The following PLEKHA6 variants were observed in gnomAD, a reference collection of about 807,000 sequenced individuals.
PLEKHA6 encodes pleckstrin homology domain containing A6, also known as pleckstrin homology domain-containing family A member 6.
A neutral mutation model predicts 116.7 loss-of-function variants in PLEKHA6; 60 were observed. That is an observed-to-expected ratio of 0.51 (90% CI 0.42 to 0.64). PLEKHA6 has a LOEUF of 0.64. Ranked by LOEUF, PLEKHA6 falls within the 30% of genes least tolerant of loss-of-function variation. PLEKHA6 has a pLI of 0.00. For synonymous variants in PLEKHA6, 489 were observed against 556.1 expected (o/e 0.88, Z 1.70); for missense variants, 1,338 against 1,422.7 (o/e 0.94, Z 0.96).
intron 1 of PLEKHA6, chr1:204,301,036 G>A (rs758391249): frequency 9.7e-5 from 15 of 155,140 alleles, no homozygotes; most frequent in Non-Finnish European, 2.8e-5. Context: ...CTCATGTGAC[G>A]CTCTCAGTCT....
intron 1 of PLEKHA6, among the ~76,000 whole-genome samples, chr1:204,307,566 T>G (rs1264746025): frequency 2.0e-5 from 3 of 152,078 alleles, no homozygotes; most frequent in African/African-American, 7.2e-5. Flanking sequence ...CTAAGGAACA[T>G]CTCCCAATAA....
chr1:204,361,338 G>A (rs1014426299), upstream of PLEKHA6, among the ~76,000 whole-genome samples: 10 of 152,264 alleles, frequency 6.6e-5, no homozygotes, highest in South Asian at 1.4e-3. Context: ...AATGTGCAAC[G>A]GAAGGAACAG....
At chr1:204,313,838 G>C (rs139778494) in intron 1 of PLEKHA6, 2 of 288,314 alleles carry the variant, frequency 6.9e-6, no homozygotes, top group African/African-American at 4.6e-5. Flanking sequence ...GCATCTCCCC[G>C]GGGATCCTCT....
intron 1 of PLEKHA6, among the ~76,000 whole-genome samples, chr1:204,299,276 C>T (rs781277770): frequency 6.6e-6 from 1 of 152,208 alleles, no homozygotes; most frequent in Non-Finnish European, 1.5e-5. Context: ...AGGGAAAGCA[C>T]TGGGAATTTT....
chr1:204,348,953 T>G (rs1471257547), intron 1 of PLEKHA6, among the ~76,000 whole-genome samples: 1 of 152,202 alleles, frequency 6.6e-6, no homozygotes, highest in African/African-American at 2.4e-5. Context: ...GTCCAGTTGC[T>G]TGGCAACCAG....
intron 1 of PLEKHA6, among the ~76,000 whole-genome samples, chr1:204,294,370 C>T (rs1670061808): frequency 2.0e-5 from 3 of 152,226 alleles, no homozygotes; most frequent in Admixed American, 2.0e-4. Flanking sequence ...CTATCCAAGT[C>T]ATGATGCTAG....
In PLEKHA6 at chr1:204,229,109, G is replaced by A; in HGVS notation, c.2584-5C>T. On this transcript the variant is annotated splice_region_variant and splice_polypyrimidine_tract_variant and intron_variant, in intron 18 of 22. Coordinates refer to ENST00000272203, the MANE Select transcript of PLEKHA6 (RefSeq NM_014935.5). The stretch of plus-strand genomic sequence containing the variant: ...GATGCTGCGGTGGCGGCGCACCTAG[G>A]GGACAGCAGCATCGTGATTGCACCA... 6.2e-7 allele frequency: 1 copy of A among 1,610,684 alleles called. No individual in the cohort carries two copies. Among genetic ancestry groups the A allele is most frequent in the African/African-American group, 1.3e-5 (1 of 74,976 alleles).
chr1:204,251,616 A>G, intron 9 of PLEKHA6: 1 of 702,762 alleles, frequency 1.4e-6, no homozygotes, highest in Non-Finnish European at 2.6e-6. Context: ...ACTCATCTGC[A>G]GCAGAGGAAG....
chr1:204,370,641 G>A (rs1321362430), intron 2 of PLEKHA6, among the ~76,000 whole-genome samples: 1 of 152,208 alleles, frequency 6.6e-6, no homozygotes. Context: ...GGCTACCAGT[G>A]ATGTTTTCTC....
At chr1:204,227,991 A>G (rs1476077728) in intron 21 of PLEKHA6, 92 bp downstream of exon 21, 3 of 1,304,128 alleles carry the variant, frequency 2.3e-6, no homozygotes, top group Non-Finnish European at 3.2e-6. Flanking sequence ...TCTCTTTGCT[A>G]CTGCCCCCCT....
chr1:204,236,629 G>A (rs993206086), intron 17 of PLEKHA6, among the ~76,000 whole-genome samples: 1 of 152,192 alleles, frequency 6.6e-6, no homozygotes, highest in East Asian at 1.9e-4. Flanking sequence ...GGCAAGGTGG[G>A]TGTAGCTACT....
intron 6 of PLEKHA6, among the ~76,000 whole-genome samples, chr1:204,263,799 C>T (rs772294646): frequency 5.9e-5 from 9 of 151,914 alleles, no homozygotes; most frequent in Non-Finnish European, 1.2e-4. Flanking sequence ...GGTTAAACAG[C>T]CTGTTCCTAT....
At chr1:204,369,305 C>T (rs1673727430) in intron 2 of PLEKHA6, 1 of 152,208 alleles carries the variant, frequency 6.6e-6, no homozygotes, top group South Asian at 2.1e-4. Context: ...CATCAACTGG[C>T]TCAAGGTCAC....
At chr1:204,346,754 C>CAT in intron 1 of PLEKHA6, 2 of 769,570 alleles carry the variant, frequency 2.6e-6, no homozygotes, top group Non-Finnish European at 2.3e-6. Context: ...CTCCCATTTG[C>CAT]TTTTTTTTTT....
chr1:204,370,890 C>T (rs555002054), intron 2 of PLEKHA6, among the ~76,000 whole-genome samples: 1 of 152,126 alleles, frequency 6.6e-6, no homozygotes, highest in African/African-American at 2.4e-5. Context: ...CCCATCTCTA[C>T]TAACAATACA....
chr1:204,275,764 G>A, intron 1 of PLEKHA6: 1 of 967,570 alleles, frequency 1.0e-6, no homozygotes, highest in Non-Finnish European at 1.2e-6. Flanking sequence ...GTGACTACTT[G>A]GCAAGAATGT....
intron 15 of PLEKHA6, among the ~76,000 whole-genome samples, chr1:204,244,072 C>T (rs1462320732): frequency 6.6e-6 from 1 of 152,122 alleles, no homozygotes; most frequent in Non-Finnish European, 1.5e-5. Flanking sequence ...CCACCCACCT[C>T]AGCCACCCAA....
chr1:204,302,309 AG>A (rs1480986878), intron 1 of PLEKHA6, among the ~76,000 whole-genome samples: 1 of 152,160 alleles, frequency 6.6e-6, no homozygotes, highest in Non-Finnish European at 1.5e-5. Flanking sequence ...CATGATAAGG[AG>A]GGGGACATCT....
At chr1:204,361,452 A>T (rs1673557861), upstream of PLEKHA6, among the ~76,000 whole-genome samples, 1 of 152,210 alleles carries the variant, frequency 6.6e-6, no homozygotes, top group South Asian at 2.1e-4. Context: ...GGAGGAAGAC[A>T]GGGACCTAGA....
Sources: gnomAD v4.1 joint callset for allele counts (sites outside exome capture counted in the v4.1 genomes callset) on GRCh38, gnomAD v4.1.1 for gene constraint, MANE v1.5 for transcripts, NCBI Gene and HGNC (gene_info 2026-07-23, HGNC 2026-07-21) for gene names.